EPHA3: variants seen among roughly 807,000 people sequenced by gnomAD.
EPHA3 encodes ephrin type-A receptor 3.
Under a neutral mutation model 107.1 loss-of-function variants are expected in EPHA3, and 42 were observed. The ratio of observed to expected loss-of-function variants is 0.39; its 90% confidence interval spans 0.31 to 0.51. The LOEUF (loss-of-function observed/expected upper bound fraction) is 0.51, where lower values mean the gene tolerates loss of function less well. Among genes scored for constraint, EPHA3 ranks in the 20% least tolerant of loss-of-function variants. The pLI is 0.78. For synonymous variants in EPHA3, 461 were observed against 424.8 expected, an observed-to-expected ratio of 1.09 and a Z score of -1.05; for missense variants, 1,183 against 1,211.2, an observed-to-expected ratio of 0.98 and a Z score of 0.35.
At chr3:89,283,454 C>T (rs1257444052) in intron 3 of EPHA3, among the ~76,000 whole-genome samples, 1 of 152,020 alleles carries the variant, frequency 6.6e-6, no homozygotes, top group Admixed American at 6.6e-5. Context: ...AACTGAATTA[C>T]GTATTTTTAC....
intron 9 of EPHA3, among the ~76,000 whole-genome samples, chr3:89,408,720 C>CT (rs1166485477): frequency 1.3e-5 from 2 of 151,960 alleles, no homozygotes; most frequent in Admixed American, 6.6e-5. Flanking sequence ...AACAAAAAGA[C>CT]TTTTTTTCTT....
chr3:89,397,754 TG>T (rs1171839135), intron 6 of EPHA3, among the ~76,000 whole-genome samples: 1 of 152,176 alleles, frequency 6.6e-6, no homozygotes, highest in Non-Finnish European at 1.5e-5. Flanking sequence ...CAACTAATTT[TG>T]TATTTTTAGT....
chr3:89,479,362 G>A (rs1710581099), intron 16 of EPHA3, 35 bp from the exon 17 acceptor site: 2 of 1,563,700 alleles, frequency 1.3e-6, no homozygotes, highest in African/African-American at 2.7e-5. Context: ...CACTATCGAG[G>A]AAACCGATTC....
intron 15 of EPHA3, among the ~76,000 whole-genome samples, chr3:89,451,402 A>G (rs1709986856): frequency 6.6e-6 from 1 of 152,192 alleles, no homozygotes; most frequent in African/African-American, 2.4e-5. Context: ...AGGCAAAGAT[A>G]TCTTGTTTAA....
intron 2 of EPHA3, among the ~76,000 whole-genome samples, chr3:89,141,206 C>T (rs1238637387): frequency 6.6e-6 from 1 of 151,562 alleles, no homozygotes; most frequent in Non-Finnish European, 1.5e-5. Context: ...TACAGAGCCT[C>T]ATACATTATG....
At chr3:89,384,408 G>A (rs1224390138) in intron 5 of EPHA3, among the ~76,000 whole-genome samples, 1 of 152,164 alleles carries the variant, frequency 6.6e-6, no homozygotes, top group Non-Finnish European at 1.5e-5. Flanking sequence ...GTGAAAGACA[G>A]AAACTTAACT....
rs866252801 is a variant in EPHA3 at position 89,121,796 on chromosome 3, A to T, written c.89-5413A>T. Among the ~76,000 whole-genome samples, 6 of 152,278 alleles carry T rather than the reference A, an allele frequency of 3.9e-5. No homozygotes were observed. The Middle Eastern group carries it at 0.014, about 345-fold the overall frequency. On this transcript the variant is annotated intron_variant, in intron 1 of 16. Coordinates refer to ENST00000336596, the MANE Select transcript of EPHA3 (RefSeq NM_005233.6). ...ATTATGCTTGGGTAGAAAGAAAATA[A>T]ATACAAACAGGAAGTCCACAGGAAC...
intron 3 of EPHA3, among the ~76,000 whole-genome samples, chr3:89,239,148 A>G (rs1487266627): frequency 2.6e-5 from 4 of 152,208 alleles, no homozygotes; most frequent in Admixed American, 2.0e-4. Context: ...GAAAGCCCAT[A>G]TGATCTATCT....
chr3:89,235,212 C>G (rs1330087408), intron 3 of EPHA3, among the ~76,000 whole-genome samples: 1 of 151,824 alleles, frequency 6.6e-6, no homozygotes, highest in Non-Finnish European at 1.5e-5. Flanking sequence ...GTGAGCCACC[C>G]TGCCCAGCCT....
At chr3:89,118,363 T>C (rs756744283) in intron 1 of EPHA3, among the ~76,000 whole-genome samples, 2 of 151,968 alleles carry the variant, frequency 1.3e-5, no homozygotes, top group Non-Finnish European at 2.9e-5. Context: ...AGAAAATTTT[T>C]CTTATCTTTC....
intron 2 of EPHA3, among the ~76,000 whole-genome samples, chr3:89,154,716 T>C (rs1219246892): frequency 6.6e-6 from 1 of 151,396 alleles, no homozygotes; most frequent in Non-Finnish European, 1.5e-5. Flanking sequence ...TAACACAAAG[T>C]TTTCAGATTC....
chr3:89,284,297 G>T (rs1433024819), intron 3 of EPHA3, among the ~76,000 whole-genome samples: 1 of 152,012 alleles, frequency 6.6e-6, no homozygotes, highest in Non-Finnish European at 1.5e-5. Context: ...AGAGTGACTG[G>T]AGTGATTAGT....
intron 2 of EPHA3, among the ~76,000 whole-genome samples, chr3:89,197,988 A>T (rs1463310482): frequency 6.6e-6 from 1 of 152,158 alleles, no homozygotes; most frequent in Non-Finnish European, 1.5e-5. Flanking sequence ...AAAAATAAAA[A>T]TAAAAAAATA....
At chr3:89,366,288 T>C (rs1220243216) in intron 5 of EPHA3, among the ~76,000 whole-genome samples, 1 of 150,402 alleles carries the variant, frequency 6.6e-6, no homozygotes, top group East Asian at 2.0e-4. Flanking sequence ...AGAGGATAAA[T>C]TGACCAGAAT....
intron 3 of EPHA3, among the ~76,000 whole-genome samples, chr3:89,291,851 C>G (rs1296969001): frequency 1.3e-5 from 2 of 152,290 alleles, no homozygotes; most frequent in South Asian, 2.1e-4. Flanking sequence ...ACTTCTTCAA[C>G]AAACTTGTAA....
chr3:89,322,093 CACACACACACAA>C (rs1388860672), intron 3 of EPHA3, among the ~76,000 whole-genome samples: 8 of 151,614 alleles, frequency 5.3e-5, no homozygotes, highest in Non-Finnish European at 8.8e-5. Context: ...ATAGTAACTG[CACACACACACAA>C]ACACACACAC....
intron 3 of EPHA3, among the ~76,000 whole-genome samples, chr3:89,280,848 A>C (rs1705929366): frequency 1.3e-5 from 2 of 152,100 alleles, no homozygotes; most frequent in Non-Finnish European, 2.9e-5. Flanking sequence ...AAATTATTGT[A>C]AAACAGCTAA....
intron 1 of EPHA3, among the ~76,000 whole-genome samples, chr3:89,123,641 C>T (rs112480712): frequency 0.022 from 3,298 of 152,138 alleles, 71 homozygotes; most frequent in Admixed American, 0.053. Context: ...CAATTAGAGG[C>T]AGTAAAACAT....
chr3:89,449,560 A>G (rs1011005514), intron 14 of EPHA3, among the ~76,000 whole-genome samples, 186 bp downstream of exon 14: 17 of 152,222 alleles, frequency 1.1e-4, no homozygotes, highest in Non-Finnish European at 2.4e-4. Context: ...ACAGATTTAC[A>G]TATTTCCCTC....
Sources: gnomAD v4.1 joint callset for allele counts (sites outside exome capture counted in the v4.1 genomes callset) on GRCh38, gnomAD v4.1.1 for gene constraint, MANE v1.5 for transcripts, NCBI Gene and HGNC (gene_info 2026-07-23, HGNC 2026-07-21) for gene names.